Variants in COPG2 observed in about 807,000 individuals in gnomAD.
The protein encoded by COPG2 is coat protein complex I subunit gamma 2, also known as coatomer subunit gamma-2.
COPG2 carries 37 observed loss-of-function variants against 46.3 expected under a neutral mutation model. The ratio of observed to expected loss-of-function variants is 0.80; its 90% confidence interval spans 0.61 to 1.05. COPG2 has a LOEUF of 1.05. Ranked by LOEUF, COPG2 falls within the 50% of genes least tolerant of loss-of-function variation. COPG2 has a pLI of 0.00. For synonymous variants in COPG2, 159 were observed against 129.7 expected (o/e 1.23, Z -1.53); for missense variants, 427 against 387.8 (o/e 1.10, Z -0.85).
intron 20 of COPG2, among the ~76,000 whole-genome samples, chr7:130,537,306 G>A (rs1361010006): frequency 2.0e-5 from 3 of 150,452 alleles, no homozygotes; most frequent in Admixed American, 6.6e-5. Flanking sequence ...CCACTGGGAC[G>A]TGAGCTTGGA....
At chr7:130,649,433 A>T (rs372842364) in intron 5 of COPG2, among the ~76,000 whole-genome samples, 3 of 152,174 alleles carry the variant, frequency 2.0e-5, no homozygotes, top group African/African-American at 7.2e-5. Flanking sequence ...GGCCATAACT[A>T]GGCCATAACT....
intron 9 of COPG2, among the ~76,000 whole-genome samples, chr7:130,573,396 A>G (rs1329410867): frequency 6.6e-6 from 1 of 152,094 alleles, no homozygotes; most frequent in Non-Finnish European, 1.5e-5. Flanking sequence ...ATATTTCACA[A>G]GAAAATTACA....
intron 20 of COPG2, among the ~76,000 whole-genome samples, chr7:130,533,758 G>A (rs1799851604): frequency 6.6e-6 from 1 of 152,156 alleles, no homozygotes; most frequent in Non-Finnish European, 1.5e-5. Flanking sequence ...CTGACCCTGA[G>A]GTGGTAGGGA....
chr7:130,630,030 G>A (rs1343075676), intron 5 of COPG2, among the ~76,000 whole-genome samples: 7 of 150,642 alleles, frequency 4.6e-5, no homozygotes, highest in African/African-American at 1.5e-4. Flanking sequence ...TGATTCTCTC[G>A]CCTCAGCCTC....
intron 5 of COPG2, among the ~76,000 whole-genome samples, chr7:130,647,147 T>A (rs2116222509): frequency 6.6e-6 from 1 of 151,992 alleles, no homozygotes; most frequent in East Asian, 1.9e-4. Context: ...TTCAAGCGAC[T>A]CTCCTGTCAC....
chr7:130,553,493 G>A (rs1406306355), intron 14 of COPG2, among the ~76,000 whole-genome samples: 2 of 152,122 alleles, frequency 1.3e-5, no homozygotes, highest in African/African-American at 4.8e-5. Context: ...AATTGAAAGC[G>A]CTTTGCTAAA....
At chr7:130,548,159 T>C (rs1348003497) in intron 19 of COPG2, among the ~76,000 whole-genome samples, 2 of 152,320 alleles carry the variant, frequency 1.3e-5, no homozygotes, top group Admixed American at 6.5e-5. Context: ...TTTTAGAAAA[T>C]TGGTTATACT....
intron 4 of COPG2, among the ~76,000 whole-genome samples, chr7:130,655,627 A>C (rs1214838808): frequency 2.6e-5 from 4 of 150,982 alleles, no homozygotes; most frequent in African/African-American, 9.8e-5. Flanking sequence ...ATTCTGCTTC[A>C]TAAATTCGAG....
chr7:130,628,190 T>G (rs1795151272), intron 5 of COPG2, among the ~76,000 whole-genome samples: 1 of 152,210 alleles, frequency 6.6e-6, no homozygotes, highest in African/African-American at 2.4e-5. Flanking sequence ...GTCTGTGGTC[T>G]GGCTAGTTTT....
intron 5 of COPG2, among the ~76,000 whole-genome samples, chr7:130,628,110 T>TA (rs1439092453): frequency 1.3e-5 from 2 of 152,146 alleles, no homozygotes; most frequent in African/African-American, 4.8e-5. Context: ...GTGGTCTTGT[T>TA]AGTTTGTTTT....
At chr7:130,621,892 C>T (rs1795044762) in intron 5 of COPG2, among the ~76,000 whole-genome samples, 1 of 132,188 alleles carries the variant, frequency 7.6e-6, no homozygotes, top group Non-Finnish European at 1.5e-5. Flanking sequence ...TGCAGTGAGC[C>T]AAGATCATGC....
chr7:130,668,237 C>A (rs1210717157), intron 1 of COPG2, among the ~76,000 whole-genome samples: 4 of 152,128 alleles, frequency 2.6e-5, no homozygotes, highest in African/African-American at 9.7e-5. Flanking sequence ...GTGCCGTCGA[C>A]CCCAGCCCCG....
chr7:130,510,909 T>C (rs1799584345), intron 20 of COPG2: 1 of 519,888 alleles, frequency 1.9e-6, no homozygotes, highest in Non-Finnish European at 3.8e-6. Flanking sequence ...ATATGAGAGT[T>C]ACACAGACAA....
At chr7:130,550,042 ACTG>A (rs1793510280) in intron 17 of COPG2, among the ~76,000 whole-genome samples, 1 of 152,174 alleles carries the variant, frequency 6.6e-6, no homozygotes, top group African/African-American at 2.4e-5. Context: ...ATTTCATCTT[ACTG>A]CTTTTATGTA....
intron 20 of COPG2, among the ~76,000 whole-genome samples, chr7:130,513,308 A>ATATAT (rs1554441290): frequency 2.5e-4 from 14 of 55,650 alleles, no homozygotes; most frequent in African/African-American, 6.6e-4. Flanking sequence ...AAAAAAAAAA[A>ATATAT]ATATATATAT....
chr7:130,524,305 C>T (rs1263906499), intron 20 of COPG2, among the ~76,000 whole-genome samples: 1 of 151,922 alleles, frequency 6.6e-6, no homozygotes, highest in Non-Finnish European at 1.5e-5. Context: ...CCTGAGTTCA[C>T]GACTTAGGCC....
chr7:130,668,523 G>A, intron 1 of COPG2, 109 bp downstream of exon 1: 1 of 991,100 alleles, frequency 1.0e-6, no homozygotes, highest in Non-Finnish European at 1.4e-6. Context: ...CGGCCCCCTG[G>A]CACGGCGGCG....
intron 5 of COPG2, among the ~76,000 whole-genome samples, chr7:130,630,324 G>A (rs1795205921): frequency 6.6e-6 from 1 of 152,152 alleles, no homozygotes; most frequent in Non-Finnish European, 1.5e-5. Context: ...TGATGCTACT[G>A]TAAACAGGAT....
chr7:130,588,167 GAGAAATA>G (rs1554448355), intron 9 of COPG2, among the ~76,000 whole-genome samples: 4 of 151,600 alleles, frequency 2.6e-5, no homozygotes, highest in African/African-American at 9.7e-5. Flanking sequence ...AGAGGATGTG[GAGAAATA>G]GGAACACTTT....
Sources: allele counts gnomAD v4.1 joint callset (sites outside exome capture counted in the v4.1 genomes callset), GRCh38; gene constraint gnomAD v4.1.1; transcripts MANE v1.5; gene names NCBI Gene and HGNC (gene_info 2026-07-23, HGNC 2026-07-21).